The following LRP1B variants were observed in gnomAD, a reference collection of about 807,000 sequenced individuals.
The protein encoded by LRP1B is LDL receptor related protein 1B.
LRP1B carries 217 observed loss-of-function variants against 556.6 expected under a neutral mutation model. That is an observed-to-expected ratio of 0.39 (90% CI 0.35 to 0.44). The LOEUF is 0.44. Among genes scored for constraint, LRP1B ranks in the 20% least tolerant of loss-of-function variants. The probability of loss-of-function intolerance (pLI) is 1.00; values close to 1 mark genes in which losing one functional copy is unlikely to be tolerated. For missense variants in LRP1B, 5,053 were observed against 5,620.8 expected (o/e 0.90, Z 3.23); for synonymous variants, 2,047 against 1,865.8 (o/e 1.10, Z -2.50).
rs147212994 is a variant in LRP1B at position 141,005,018 on chromosome 2, C to T, written c.2503+317G>A. ...CCTATGTTGTGCGTCAACTTACCAT[C>T]TATCTAATCAACAACAATGCATTTT... On this transcript the variant is annotated intron_variant, in intron 15 of 90. Coordinates refer to ENST00000389484, the MANE Select transcript of LRP1B (RefSeq NM_018557.3). 1.7e-3 allele frequency among the ~76,000 whole-genome samples: 257 copies of T among 152,122 alleles called. 1 individual carries two copies. Among genetic ancestry groups the T allele is most frequent in the Admixed American group, 3.5e-3 (53 of 15,248 alleles).
At chr2:140,754,819 A>G (rs1386616219) in intron 35 of LRP1B, among the ~76,000 whole-genome samples, 2 of 151,684 alleles carry the variant, frequency 1.3e-5, no homozygotes, top group Admixed American at 6.6e-5. Flanking sequence ...TAAAGATTAG[A>G]GTGAAATTTT....
chr2:141,862,020 C>A (rs28370459), intron 1 of LRP1B, among the ~76,000 whole-genome samples: 20,448 of 152,122 alleles, frequency 0.13, 1,627 homozygotes, highest in Non-Finnish European at 0.18. Flanking sequence ...CATAAATGCA[C>A]AAACCTATAT....
intron 24 of LRP1B, among the ~76,000 whole-genome samples, chr2:140,885,404 A>C (rs951938780): frequency 2.7e-5 from 4 of 150,906 alleles, no homozygotes; most frequent in Admixed American, 6.6e-5. Context: ...AGGCTGGAGT[A>C]CAATGAAATG....
chr2:141,570,792 G>C (rs187028181), intron 2 of LRP1B, among the ~76,000 whole-genome samples: 2 of 151,368 alleles, frequency 1.3e-5, no homozygotes, highest in Non-Finnish European at 3.0e-5. Flanking sequence ...GTAATCTGCA[G>C]CCAGAGTGCC....
intron 3 of LRP1B, among the ~76,000 whole-genome samples, chr2:141,369,975 TTC>T (rs1403476527): frequency 6.6e-6 from 1 of 152,236 alleles, no homozygotes; most frequent in African/African-American, 2.4e-5. Flanking sequence ...CATGGTTTCA[TTC>T]TTTTTTTATG....
chr2:140,988,887 C>T (rs1347499344), intron 17 of LRP1B, among the ~76,000 whole-genome samples: 2 of 152,030 alleles, frequency 1.3e-5, no homozygotes, highest in Non-Finnish European at 2.9e-5. Flanking sequence ...TAGGCTGCTG[C>T]TAGTCAGTAT....
At chr2:141,779,660 A>G (rs1179568294) in intron 2 of LRP1B, among the ~76,000 whole-genome samples, 1 of 152,046 alleles carries the variant, frequency 6.6e-6, no homozygotes, top group Non-Finnish European at 1.5e-5. Flanking sequence ...TTACATGCCA[A>G]TACTACATAC....
chr2:141,518,670 C>T (rs1292177288), intron 2 of LRP1B, among the ~76,000 whole-genome samples: 2 of 151,802 alleles, frequency 1.3e-5, no homozygotes, highest in Non-Finnish European at 2.9e-5. Flanking sequence ...AGAGAGAGGC[C>T]GGGCATGGTG....
intron 7 of LRP1B, among the ~76,000 whole-genome samples, chr2:141,068,774 C>A (rs1004955723): frequency 6.6e-6 from 1 of 151,914 alleles, no homozygotes; most frequent in Non-Finnish European, 1.5e-5. Context: ...TTACCGAGGA[C>A]TTCCTTACCC....
chr2:141,217,881 A>G (rs1198398676), intron 6 of LRP1B, among the ~76,000 whole-genome samples: 2 of 152,174 alleles, frequency 1.3e-5, no homozygotes, highest in Non-Finnish European at 2.9e-5. Flanking sequence ...TAAGGAACTT[A>G]AATAAATGAA....
At chr2:142,043,083 T>G (rs572347438) in intron 1 of LRP1B, among the ~76,000 whole-genome samples, 18 of 151,694 alleles carry the variant, frequency 1.2e-4, no homozygotes, top group African/African-American at 4.3e-4. Context: ...TACCTCTACC[T>G]AATCATAATC....
intron 35 of LRP1B, among the ~76,000 whole-genome samples, chr2:140,736,387 C>T (rs1041769560): frequency 1.3e-5 from 2 of 152,020 alleles, no homozygotes; most frequent in Non-Finnish European, 2.9e-5. Flanking sequence ...TTTATTGTTT[C>T]ATATGGAACC....
intron 7 of LRP1B, 71 bp downstream of exon 7, chr2:141,188,350 C>G (rs2105192439): frequency 7.0e-7 from 1 of 1,433,310 alleles, no homozygotes; most frequent in Non-Finnish European, 9.6e-7. Flanking sequence ...CACAACAACA[C>G]TTGTCATACT....
At chr2:141,239,809 T>G (rs896759271) in intron 5 of LRP1B, among the ~76,000 whole-genome samples, 3 of 152,064 alleles carry the variant, frequency 2.0e-5, no homozygotes, top group Admixed American at 6.6e-5. Flanking sequence ...ATGAAACTCA[T>G]TATCTAGTGA....
intron 2 of LRP1B, among the ~76,000 whole-genome samples, chr2:141,755,311 C>T (rs11679435): frequency 0.67 from 101,140 of 151,746 alleles, 34,319 homozygotes; most frequent in East Asian, 0.75. Flanking sequence ...TTCTTATAAA[C>T]CAATATCATA....
At chr2:140,547,337 A>T (rs1173283364) in intron 43 of LRP1B, among the ~76,000 whole-genome samples, 3 of 151,930 alleles carry the variant, frequency 2.0e-5, no homozygotes, top group Non-Finnish European at 4.4e-5. Flanking sequence ...AGAGCTAATT[A>T]TTGGTCTGCT....
At chr2:142,075,143 G>T (rs573912191) in intron 1 of LRP1B, among the ~76,000 whole-genome samples, 1 of 152,126 alleles carries the variant, frequency 6.6e-6, no homozygotes, top group East Asian at 1.9e-4. Flanking sequence ...TTTGAAAATA[G>T]TCAGTTCTGC....
intron 1 of LRP1B, among the ~76,000 whole-genome samples, chr2:142,058,026 A>G (rs1704743130): frequency 6.6e-6 from 1 of 152,176 alleles, no homozygotes; most frequent in South Asian, 2.1e-4. Flanking sequence ...CTATCGACCA[A>G]TAAGACAACA....
chr2:141,740,877 T>A (rs920271038), intron 2 of LRP1B, among the ~76,000 whole-genome samples: 4 of 152,108 alleles, frequency 2.6e-5, no homozygotes, highest in African/African-American at 9.7e-5. Flanking sequence ...TTTTCCTTTT[T>A]TGTACCCATT....
Sources: gnomAD v4.1 joint callset for allele counts (sites outside exome capture counted in the v4.1 genomes callset) on GRCh38, gnomAD v4.1.1 for gene constraint, MANE v1.5 for transcripts, NCBI Gene and HGNC (gene_info 2026-07-23, HGNC 2026-07-21) for gene names.